The following MDFIC2 variants were observed in gnomAD, a reference collection of about 807,000 sequenced individuals.
MDFIC2 encodes the protein MyoD family inhibitor domain containing 2.
chr3:70,303,170 T>G (rs191057770), intron 2 of MDFIC2, among the ~76,000 whole-genome samples: 1 of 152,290 alleles, frequency 6.6e-6, no homozygotes, highest in East Asian at 1.9e-4. Flanking sequence ...GCATGGGTCA[T>G]TGCTACTGGC....
chr3:70,246,654 C>T (rs1701710375), intron 2 of MDFIC2, among the ~76,000 whole-genome samples: 1 of 152,066 alleles, frequency 6.6e-6, no homozygotes, highest in African/African-American at 2.4e-5. Flanking sequence ...CAACAACCTA[C>T]ATTTATATAG....
chr3:70,282,643 C>A (rs1434909138), intron 2 of MDFIC2, among the ~76,000 whole-genome samples: 4 of 152,140 alleles, frequency 2.6e-5, no homozygotes, highest in African/African-American at 9.7e-5. Context: ...ATGGTTCTTG[C>A]CCTCATTTCA....
At chr3:70,255,845 C>T (rs1701810554) in intron 2 of MDFIC2, among the ~76,000 whole-genome samples, 1 of 152,140 alleles carries the variant, frequency 6.6e-6, no homozygotes, top group Admixed American at 6.5e-5. Flanking sequence ...TGGAAGCCTC[C>T]ATAACTTTAG....
chr3:70,198,375 C>T (rs775634723), intron 3 of MDFIC2, among the ~76,000 whole-genome samples: 4 of 152,078 alleles, frequency 2.6e-5, no homozygotes, highest in Middle Eastern at 3.2e-3. Context: ...TATAAGTGCT[C>T]TTATCGCCGT....
chr3:70,231,307 T>C lies in MDFIC2; in HGVS notation c.89-24517A>G, dbSNP rs182222962. Among the ~76,000 whole-genome samples the C allele has an allele frequency of 2.0e-3, 302 of 152,288 alleles. 1 individual carries two copies. The highest frequency in any genetic ancestry group is 3.2e-3 in the Non-Finnish European group (215 of 68,024). ...AAGACGACGCTCCTGCCCCTGCCTTTTCCACACCCAGAGGACCTGCTAGAC... is the reference window on the plus strand; with the variant it reads ...AAGACGACGCTCCTGCCCCTGCCTTCTCCACACCCAGAGGACCTGCTAGAC... On this transcript the variant is annotated intron_variant, in intron 2 of 3. Transcript: ENST00000567252.
rs571371102 is a variant in MDFIC2 at position 70,281,653 on chromosome 3, G to A, written c.88+30233C>T. On this transcript the variant is annotated intron_variant, in intron 2 of 3. Coordinates refer to ENST00000567252, the MANE Select transcript of MDFIC2 (RefSeq NM_001364677.1). ...ATATTTTATGTCTCTCGGTATTTAT[G>A]CACGATGGTTCTTCTCCCTGAGGAA... Among the ~76,000 whole-genome samples the A allele has an allele frequency of 2.0e-5, 3 of 152,202 alleles. No homozygotes were observed. In the East Asian group the frequency reaches 5.8e-4, roughly 29 times the overall value.
At chr3:70,290,080 C>T (rs1292410902) in intron 2 of MDFIC2, among the ~76,000 whole-genome samples, 1 of 152,210 alleles carries the variant, frequency 6.6e-6, no homozygotes, top group Non-Finnish European at 1.5e-5. Context: ...ATTCTCCATC[C>T]AGCTTTGTTC....
chr3:70,291,705 C>G (rs1222122260), intron 2 of MDFIC2: 4 of 152,210 alleles, frequency 2.6e-5, no homozygotes, highest in African/African-American at 7.2e-5. Context: ...CAACACAAAA[C>G]TCCTGTGAGT....
intron 2 of MDFIC2, chr3:70,291,116 T>C (rs1702234831): frequency 6.6e-6 from 1 of 152,186 alleles, no homozygotes; most frequent in African/African-American, 2.4e-5. Context: ...AGGAAAAGAA[T>C]ATCATTGAAA....
chr3:70,303,190 A>G (rs1702366670), intron 2 of MDFIC2, among the ~76,000 whole-genome samples: 1 of 152,128 alleles, frequency 6.6e-6, no homozygotes, highest in African/African-American at 2.4e-5. Flanking sequence ...CTCTTAGAGT[A>G]GACATTATGT....
chr3:70,207,827 T>C (rs938976346), intron 2 of MDFIC2, among the ~76,000 whole-genome samples: 6 of 151,936 alleles, frequency 3.9e-5, no homozygotes, highest in Admixed American at 2.6e-4. Flanking sequence ...CATCTGAAAA[T>C]TTCGATATCT....
At chr3:70,228,989 T>C (rs1311774293) in intron 2 of MDFIC2, among the ~76,000 whole-genome samples, 1 of 152,160 alleles carries the variant, frequency 6.6e-6, no homozygotes, top group Non-Finnish European at 1.5e-5. Flanking sequence ...TACCATGTAA[T>C]AAATGCTACA....
At chr3:70,285,775 T>C (rs1465944391) in intron 2 of MDFIC2, among the ~76,000 whole-genome samples, 25 of 152,116 alleles carry the variant, frequency 1.6e-4, no homozygotes, top group Non-Finnish European at 2.9e-5. Flanking sequence ...TGGTATCTCA[T>C]TGTGGTTTTG....
chr3:70,278,918 G>A (rs1343176643), intron 2 of MDFIC2, among the ~76,000 whole-genome samples: 1 of 151,498 alleles, frequency 6.6e-6, no homozygotes, highest in Non-Finnish European at 1.5e-5. Flanking sequence ...CATGTATCTG[G>A]AGCTCAATGA....
chr3:70,231,372 G>A (rs894489159), intron 2 of MDFIC2, among the ~76,000 whole-genome samples: 1 of 152,162 alleles, frequency 6.6e-6, no homozygotes, highest in Non-Finnish European at 1.5e-5. Context: ...AGCTGTCAAC[G>A]CAAACTTGCG....
rs74943366 is a variant in MDFIC2, at chr3:70,212,135, A to G, written c.89-5345T>C. Among the ~76,000 whole-genome samples, 1,040 of 152,210 alleles carry G rather than the reference A, an allele frequency of 6.8e-3. 60 individuals are homozygous for G. The East Asian group carries it at 0.15, about 21-fold the overall frequency. On this transcript the variant is annotated intron_variant, in intron 2 of 3. Transcript: ENST00000567252. ...CACTAAATCTTCATCCAGCCATCCA[A>G]AGATGCAGGCAATATTTGCCAAGCA...
intron 2 of MDFIC2, among the ~76,000 whole-genome samples, chr3:70,231,853 A>G (rs1190440438): frequency 2.0e-5 from 3 of 152,060 alleles, no homozygotes; most frequent in Admixed American, 2.0e-4. Flanking sequence ...AAGCTACTAA[A>G]CAGGCCTGCT....
intron 2 of MDFIC2, among the ~76,000 whole-genome samples, chr3:70,209,183 G>A (rs1004656147): frequency 6.6e-6 from 1 of 152,098 alleles, no homozygotes; most frequent in Non-Finnish European, 1.5e-5. Context: ...ACTAAGAACA[G>A]CATCAATATT....
At chr3:70,206,921 T>C (rs989769333) in intron 2 of MDFIC2, 131 bp from the exon 3 acceptor site, 1 of 394,134 alleles carries the variant, frequency 2.5e-6, no homozygotes, top group Non-Finnish European at 4.5e-6. Flanking sequence ...TGAAGTATTA[T>C]TGAGCAAGAC....
Sources: gnomAD v4.1 joint callset for allele counts (sites outside exome capture counted in the v4.1 genomes callset) on GRCh38, gnomAD v4.1.1 for gene constraint, MANE v1.5 for transcripts, NCBI Gene and HGNC (gene_info 2026-07-23, HGNC 2026-07-21) for gene names.